Variants in DMC1 observed in about 807,000 individuals in gnomAD.
DMC1 encodes the protein DNA meiotic recombinase 1, also known as meiotic recombination protein DMC1 homolog.
In DMC1, 27 loss-of-function variants were observed where a neutral mutation model predicts 50.1. The ratio of observed to expected loss-of-function variants is 0.54; its 90% CI spans 0.40 to 0.74. The LOEUF is 0.74. Among genes scored for constraint, DMC1 ranks in the 30% least tolerant of loss-of-function variants. The pLI is 0.00. For missense variants in DMC1, 295 were observed against 420.2 expected (o/e 0.70, Z 2.60); for synonymous variants, 148 against 136.1 (o/e 1.09, Z -0.61).
chr22:38,547,635 GTTCAAGCGA>G (rs1259865843), intron 8 of DMC1, among the ~76,000 whole-genome samples: 1 of 152,004 alleles, frequency 6.6e-6, no homozygotes, highest in Non-Finnish European at 1.5e-5. Context: ...CCGCCTCCCA[GTTCAAGCGA>G]TTCTCCTGCC....
intron 8 of DMC1, among the ~76,000 whole-genome samples, chr22:38,546,914 C>T (rs2090349846): frequency 6.6e-6 from 1 of 152,016 alleles, no homozygotes; most frequent in South Asian, 2.1e-4. Flanking sequence ...TCAAAGTTTA[C>T]CACCTGTATT....
At chr22:38,521,308 A>G (rs1158127317) in intron 13 of DMC1, among the ~76,000 whole-genome samples, 1 of 152,146 alleles carries the variant, frequency 6.6e-6, no homozygotes, top group Admixed American at 6.6e-5. Flanking sequence ...GACCAAGTCT[A>G]TGTGTCAATA....
chr22:38,551,397 C>T (rs1443141892), intron 7 of DMC1, among the ~76,000 whole-genome samples: 9 of 151,896 alleles, frequency 5.9e-5, no homozygotes, highest in Admixed American at 5.9e-4. Flanking sequence ...GGCACGATCT[C>T]GGCCCACGGC....
the DMC1 span, among the ~76,000 whole-genome samples, chr22:38,513,719 AG>A: frequency 1.3e-5 from 2 of 152,174 alleles, no homozygotes; most frequent in South Asian, 4.1e-4. Flanking sequence ...CTGGGATTAC[AG>A]GTGCGCACCA....
At chr22:38,560,295 G>T (rs2090513214) in intron 5 of DMC1, among the ~76,000 whole-genome samples, 1 of 152,172 alleles carries the variant, frequency 6.6e-6, no homozygotes. Context: ...AAGTGCAAAG[G>T]CCCTGATGCA....
intron 12 of DMC1, among the ~76,000 whole-genome samples, chr22:38,535,406 ACCT>A (rs2090199693): frequency 7.1e-6 from 1 of 140,374 alleles, no homozygotes; most frequent in Non-Finnish European, 1.6e-5. Context: ...GTGTATGTAC[ACCT>A]CCACACACAC....
intron 12 of DMC1, among the ~76,000 whole-genome samples, chr22:38,532,584 T>C (rs2090165049): frequency 1.3e-5 from 2 of 151,906 alleles, no homozygotes; most frequent in African/African-American, 4.8e-5. Flanking sequence ...TCTCCCAAAG[T>C]GCTGGATTAC....
chr22:38,548,284 A>G (rs1952011758), intron 8 of DMC1, among the ~76,000 whole-genome samples: 1 of 152,234 alleles, frequency 6.6e-6, no homozygotes, highest in Admixed American at 6.5e-5. Flanking sequence ...TCAATACATT[A>G]AAATGATGGC....
At chr22:38,561,539 A>C (rs1056759245) in intron 5 of DMC1, among the ~76,000 whole-genome samples, 1 of 152,212 alleles carries the variant, frequency 6.6e-6, no homozygotes, top group African/African-American at 2.4e-5. Context: ...GGAAAGAGAT[A>C]GATCTAAGAT....
chr22:38,521,794 G>C, intron 12 of DMC1, 70 bp from the exon 13 acceptor site: 1 of 1,069,100 alleles, frequency 9.4e-7, no homozygotes, highest in Non-Finnish European at 1.5e-6. Flanking sequence ...CAATTACAAG[G>C]CAATCTTTCT....
At chr22:38,540,566 G>A (rs2090269640) in intron 8 of DMC1, among the ~76,000 whole-genome samples, 1 of 152,098 alleles carries the variant, frequency 6.6e-6, no homozygotes, top group African/African-American at 2.4e-5. Flanking sequence ...TGTTTATAGT[G>A]TTTACATAAC....
intron 8 of DMC1, 107 bp downstream of exon 8, chr22:38,549,818 A>G (rs185549766): frequency 1.2e-6 from 1 of 826,504 alleles, no homozygotes; most frequent in African/African-American, 1.7e-5. Context: ...TCTCATTACT[A>G]CTGGTTTATG....
At chr22:38,568,770 TATG>T in intron 1 of DMC1, among the ~76,000 whole-genome samples, 1 of 152,356 alleles carries the variant, frequency 6.6e-6, no homozygotes, top group South Asian at 2.1e-4. Flanking sequence ...TTTTCTCATC[TATG>T]ATGAATGCCT....
At chr22:38,552,729 G>T (rs376684936) in intron 6 of DMC1, 22 bp from the exon 7 acceptor site, 4 of 1,522,346 alleles carry the variant, frequency 2.6e-6, no homozygotes, top group South Asian at 2.3e-5. Context: ...AGAAAAAAAT[G>T]ATTTTAAAAA....
intron 8 of DMC1, chr22:38,549,621 C>CAAA: frequency 4.9e-6 from 1 of 205,394 alleles, no homozygotes; most frequent in Non-Finnish European, 9.4e-6. Flanking sequence ...GATTCCGTCT[C>CAAA]AAAAAAAAAA....
chr22:38,539,287 T>C (rs1319201165), intron 9 of DMC1, 34 bp downstream of exon 9: 6 of 1,503,648 alleles, frequency 4.0e-6, no homozygotes, highest in South Asian at 1.1e-5. Context: ...CAACCTTACA[T>C]TGACCCAAGC....
rs139391297 is a variant in DMC1, at chr22:38,546,882, G to T, written c.494+3043C>A. 2.7e-3 allele frequency among the ~76,000 whole-genome samples: 417 copies of T among 152,182 alleles called. 4 individuals carry two copies. Among genetic ancestry groups the T allele is most frequent in the African/African-American group, 9.6e-3 (397 of 41,530 alleles). On this transcript the variant is annotated intron_variant, in intron 8 of 13. Transcript: ENST00000216024. The stretch of plus-strand genomic sequence containing the variant: ...AGCCAAGAGTGAGAGCAAAATAAAG[G>T]CACTTTCAGACATACTAAGGTTCAA...
intron 12 of DMC1, among the ~76,000 whole-genome samples, chr22:38,534,445 G>A (rs1277359556): frequency 6.6e-6 from 1 of 152,184 alleles, no homozygotes; most frequent in East Asian, 1.9e-4. Flanking sequence ...GCTCACACCT[G>A]TAATCCCAGC....
chr22:38,547,818 C>T (rs1481308953), intron 8 of DMC1, among the ~76,000 whole-genome samples: 2 of 152,204 alleles, frequency 1.3e-5, no homozygotes, highest in Admixed American at 1.3e-4. Context: ...GGATTACAGG[C>T]GTGAGCCACG....
Sources: allele counts gnomAD v4.1 joint callset (sites outside exome capture counted in the v4.1 genomes callset), GRCh38; gene constraint gnomAD v4.1.1; transcripts MANE v1.5; gene names NCBI Gene and HGNC (gene_info 2026-07-23, HGNC 2026-07-21).